TAF1B: variants seen among roughly 807,000 people sequenced by gnomAD.
TAF1B encodes TATA-box binding protein associated factor, RNA polymerase I subunit B.
In TAF1B, 61 loss-of-function variants were observed where a neutral mutation model predicts 83.9. The ratio of observed to expected loss-of-function variants is 0.73; its 90% CI spans 0.59 to 0.90. The LOEUF (loss-of-function observed/expected upper bound fraction) is 0.90, where lower values mean the gene tolerates loss of function less well. Among genes scored for constraint, TAF1B ranks in the 40% least tolerant of loss-of-function variants. The pLI is 0.00. For missense variants in TAF1B, 625 were observed against 677.0 expected, an observed-to-expected ratio of 0.92 and a Z score of 0.85; for synonymous variants, 221 against 224.6, an observed-to-expected ratio of 0.98 and a Z score of 0.14.
At chr2:9,873,163 T>C (rs1393895312) in intron 6 of TAF1B, among the ~76,000 whole-genome samples, 1 of 152,188 alleles carries the variant, frequency 6.6e-6, no homozygotes, top group Non-Finnish European at 1.5e-5. Context: ...TTCTACTCTG[T>C]GCTAGAGACT....
chr2:9,932,935 C>T (rs1413944756), intron 14 of TAF1B, among the ~76,000 whole-genome samples: 1 of 152,256 alleles, frequency 6.6e-6, no homozygotes, highest in Non-Finnish European at 1.5e-5. Context: ...CAGACTGCTG[C>T]ACTAGCAGTG....
intron 14 of TAF1B, among the ~76,000 whole-genome samples, chr2:9,920,960 A>C (rs1348571173): frequency 6.6e-6 from 1 of 152,182 alleles, no homozygotes; most frequent in Non-Finnish European, 1.5e-5. Context: ...CATCAGGTTT[A>C]ATTAATGATC....
intron 14 of TAF1B, among the ~76,000 whole-genome samples, chr2:9,920,200 TAA>T (rs1399200505): frequency 6.6e-6 from 1 of 152,196 alleles, no homozygotes; most frequent in Non-Finnish European, 1.5e-5. Flanking sequence ...GATATTCTCT[TAA>T]GTGACCACAG....
At chr2:9,917,844 G>A (rs1041606610) in intron 12 of TAF1B, among the ~76,000 whole-genome samples, 2 of 151,732 alleles carry the variant, frequency 1.3e-5, no homozygotes, top group Non-Finnish European at 2.9e-5. Flanking sequence ...AGGCCGAGGC[G>A]GGCGGATCAC....
At chr2:9,864,382 A>G (rs1663891834) in intron 5 of TAF1B, among the ~76,000 whole-genome samples, 1 of 152,222 alleles carries the variant, frequency 6.6e-6, no homozygotes, top group Non-Finnish European at 1.5e-5. Context: ...TCCCAAAACT[A>G]AACCAGGAAG....
At chr2:9,885,744 C>CG (rs936739357) in intron 8 of TAF1B, among the ~76,000 whole-genome samples, 23 of 137,024 alleles carry the variant, frequency 1.7e-4, no homozygotes, top group African/African-American at 5.1e-4. Context: ...TCTCCCCACG[C>CG]CCCCCCCCAC....
Position 9,843,507 on chromosome 2 carries a change from C to G in TAF1B, c.-35C>G, listed in dbSNP as rs561638306. ...GAAGCTGCGCTCGCTACCCGGGTAA[C>G]GGGTCCCGGCTGTGGAAGCTCCCGC... On this transcript the variant is annotated 5_prime_UTR_variant, in exon 1 of 15. Coordinates refer to ENST00000263663, the MANE Select transcript of TAF1B (RefSeq NM_005680.3). 5 of 1,519,928 alleles carry G rather than the reference C, an allele frequency of 3.3e-6. No homozygotes were observed. The East Asian group carries it at 1.3e-4, about 41-fold the overall frequency. 94.2% of individuals were successfully genotyped at this position (1,519,928 alleles called of 1,614,324 possible).
At chr2:9,902,284 ACAT>A (rs910253000) in intron 8 of TAF1B, among the ~76,000 whole-genome samples, 3 of 151,186 alleles carry the variant, frequency 2.0e-5, no homozygotes, top group African/African-American at 7.3e-5. Context: ...GAAAGTCTAC[ACAT>A]CATAAATGTA....
chr2:9,875,682 C>T (rs1347131308), intron 6 of TAF1B, among the ~76,000 whole-genome samples, 183 bp from the exon 7 acceptor site: 1 of 152,178 alleles, frequency 6.6e-6, no homozygotes, highest in Non-Finnish European at 1.5e-5. Flanking sequence ...GATTCAATTA[C>T]TTTCCCCAGG....
At chr2:9,859,654 G>A (rs1663688000) in intron 5 of TAF1B, among the ~76,000 whole-genome samples, 1 of 152,160 alleles carries the variant, frequency 6.6e-6, no homozygotes, top group Non-Finnish European at 1.5e-5. Context: ...TCAAAGTGCT[G>A]AGATTATAGG....
At chr2:9,855,565 T>C (rs1313977670) in intron 5 of TAF1B, among the ~76,000 whole-genome samples, 1 of 152,042 alleles carries the variant, frequency 6.6e-6, no homozygotes, top group Non-Finnish European at 1.5e-5. Context: ...CCCTATATAG[T>C]CCCAGCTACT....
chr2:9,906,490 T>C (rs1257013785), intron 9 of TAF1B, among the ~76,000 whole-genome samples: 1 of 152,192 alleles, frequency 6.6e-6, no homozygotes, highest in African/African-American at 2.4e-5. Context: ...ATGTCATTAG[T>C]CTCTTTATTT....
Position 9,845,319 on chromosome 2 carries a change from G to A in TAF1B, c.117+1G>A. On this transcript the variant is annotated splice_donor_variant, in intron 2 of 14. Transcript: ENST00000263663. LOFTEE classifies it high-confidence loss of function. Reference sequence around the variant, plus strand: ...CACTTCTTGCCACAATGTTACAGAGGTAAGTAACAAATATCATTTATGAAT... The same window carrying A: ...CACTTCTTGCCACAATGTTACAGAGATAAGTAACAAATATCATTTATGAAT... 6.2e-7 allele frequency: 1 copy of A among 1,610,292 alleles called. No homozygotes were observed. The highest frequency in any genetic ancestry group is 8.5e-7 in the Non-Finnish European group (1 of 1,176,788).
Position 9,866,244 on chromosome 2 carries a change from AAAAC to A in TAF1B, c.400-2025_400-2022del, listed in dbSNP as rs371206458. ...TGAACTCAAACAAATTTACAGGAAA[AAAAC>A]AAACAACCCCATGAAATGTGGGCAA... is the stretch of plus-strand genomic sequence containing the variant. On this transcript the variant is annotated intron_variant, in intron 5 of 14. Coordinates refer to ENST00000263663, the MANE Select transcript of TAF1B (RefSeq NM_005680.3). Among the ~76,000 whole-genome samples the A allele has an allele frequency of 1.1e-3, 160 of 152,330 alleles. 1 individual carries two copies. Among genetic ancestry groups the A allele is most frequent in the East Asian group, 3.3e-3 (17 of 5,186 alleles).
chr2:9,890,999 C>T (rs1356008478), intron 8 of TAF1B, among the ~76,000 whole-genome samples: 3 of 152,114 alleles, frequency 2.0e-5, no homozygotes, highest in Non-Finnish European at 4.4e-5. Flanking sequence ...CTCGAACTCC[C>T]GACCTCAGGT....
chr2:9,885,917 C>T (rs1178991130), intron 8 of TAF1B, among the ~76,000 whole-genome samples: 2 of 152,120 alleles, frequency 1.3e-5, no homozygotes. Context: ...TCCTCAGGAA[C>T]AGACATCAGA....
At chr2:9,911,809 C>G (rs138980791) in intron 11 of TAF1B, among the ~76,000 whole-genome samples, 179 of 152,290 alleles carry the variant, frequency 1.2e-3, no homozygotes, top group African/African-American at 4.1e-3. Flanking sequence ...TACTCACCAG[C>G]CATGCTAGAT....
At chr2:9,845,065 T>G (rs1408325851) in intron 1 of TAF1B, among the ~76,000 whole-genome samples, 155 bp from the exon 2 acceptor site, 1 of 152,178 alleles carries the variant, frequency 6.6e-6, no homozygotes. Flanking sequence ...GCGCCTCTCC[T>G]TGTTTGCGGA....
intron 3 of TAF1B, 67 bp from the exon 4 acceptor site, chr2:9,851,474 A>T (rs1663389074): frequency 9.0e-6 from 11 of 1,225,840 alleles, no homozygotes; most frequent in Non-Finnish European, 1.2e-5. Context: ...CACAAATTGT[A>T]ACTGTAGTAG....
Sources: gnomAD v4.1 joint callset for allele counts (sites outside exome capture counted in the v4.1 genomes callset) on GRCh38, gnomAD v4.1.1 for gene constraint, MANE v1.5 for transcripts, NCBI Gene and HGNC (gene_info 2026-07-23, HGNC 2026-07-21) for gene names.